CSMD1: variants seen among roughly 807,000 people sequenced by gnomAD.
CSMD1 encodes the protein CUB and sushi domain-containing protein 1.
Under a neutral mutation model 417.5 loss-of-function variants are expected in CSMD1, and 213 were observed. The ratio of observed to expected loss-of-function variants is 0.51; its 90% confidence interval spans 0.46 to 0.57. The LOEUF is 0.57. CSMD1 is among the 20% of genes least tolerant of loss of function. The pLI is 0.00. For synonymous variants in CSMD1, 2,862 were observed against 1,736.8 expected (o/e 1.65, Z -16.11); for missense variants, 6,923 against 4,529.7 (o/e 1.53, Z -15.17).
At chr8:3,450,604 G>T (rs1479436987) in intron 12 of CSMD1, among the ~76,000 whole-genome samples, 2 of 151,646 alleles carry the variant, frequency 1.3e-5, no homozygotes, top group African/African-American at 4.9e-5. Context: ...TGAGAATCAT[G>T]GTTTCCAGCT....
chr8:3,788,294 C>T (rs993333073), intron 5 of CSMD1, among the ~76,000 whole-genome samples: 3 of 152,130 alleles, frequency 2.0e-5, no homozygotes, highest in Admixed American at 6.5e-5. Flanking sequence ...TTTTTCATAG[C>T]ATTTTAGTAA....
chr8:3,548,041 C>A (rs1249740980), intron 10 of CSMD1, among the ~76,000 whole-genome samples: 10 of 152,058 alleles, frequency 6.6e-5, no homozygotes, highest in Admixed American at 6.5e-5. Context: ...GAGGGGTAAC[C>A]ACCCCATGAA....
intron 7 of CSMD1, among the ~76,000 whole-genome samples, chr8:3,642,672 G>C (rs776031186): frequency 5.3e-4 from 81 of 152,182 alleles, no homozygotes; most frequent in Non-Finnish European, 7.6e-4. Context: ...TCACAACTGG[G>C]CTTATAGGAA....
At chr8:4,984,243 G>A (rs1811054947) in intron 1 of CSMD1, among the ~76,000 whole-genome samples, 1 of 152,200 alleles carries the variant, frequency 6.6e-6, no homozygotes, top group Non-Finnish European at 1.5e-5. Context: ...GTTTAAAAAT[G>A]TCTAATGTTC....
At chr8:3,102,118 C>T (rs543756343) in intron 46 of CSMD1, among the ~76,000 whole-genome samples, 24 of 152,264 alleles carry the variant, frequency 1.6e-4, no homozygotes, top group African/African-American at 5.8e-4. Flanking sequence ...GTGGTTATGA[C>T]ATTTGAAGAA....
At chr8:3,455,083 C>G (rs1021172897) in intron 12 of CSMD1, among the ~76,000 whole-genome samples, 2 of 152,196 alleles carry the variant, frequency 1.3e-5, no homozygotes, top group African/African-American at 2.4e-5. Flanking sequence ...CACTGATACC[C>G]TTTCTTTCTA....
intron 1 of CSMD1, among the ~76,000 whole-genome samples, chr8:4,649,563 A>AT (rs968903866): frequency 9.9e-5 from 15 of 152,270 alleles, no homozygotes; most frequent in Admixed American, 8.5e-4. Context: ...ATGATATAGT[A>AT]TTTTTTCTGT....
intron 7 of CSMD1, among the ~76,000 whole-genome samples, chr8:3,678,727 C>T (rs11774485): frequency 6.7e-4 from 102 of 152,166 alleles, no homozygotes; most frequent in Non-Finnish European, 1.3e-3. Flanking sequence ...CTCCAAGACA[C>T]ATAATTGTCA....
intron 3 of CSMD1, among the ~76,000 whole-genome samples, chr8:4,058,047 G>C (rs1359968810): frequency 6.6e-6 from 1 of 151,962 alleles, no homozygotes; most frequent in Non-Finnish European, 1.5e-5. Context: ...GAATTTTAAA[G>C]TAGTTTTTTC....
At chr8:3,480,239 G>A (rs1417957475) in intron 11 of CSMD1, among the ~76,000 whole-genome samples, 2 of 152,246 alleles carry the variant, frequency 1.3e-5, no homozygotes, top group African/African-American at 2.4e-5. Flanking sequence ...GCACACACCT[G>A]TAGTCCCTAC....
Position 4,774,276 on chromosome 8 carries a change from C to T in CSMD1, c.86-136718G>A, listed in dbSNP as rs1231450175. Among the ~76,000 whole-genome samples the T allele has an allele frequency of 2.0e-5, 3 of 152,144 alleles. 1 individual carries two copies. The highest frequency in any genetic ancestry group is 7.2e-5 in the African/African-American group (3 of 41,424). On this transcript the variant is annotated intron_variant, in intron 1 of 69. Transcript: ENST00000635120. The stretch of plus-strand genomic sequence containing the variant: ...TGCGAATGGGGCAATGTTAAATTAA[C>T]AGTGCAGTTTGAATCTTACTTTCCT...
At chr8:3,037,870 T>A (rs1810798152) in intron 50 of CSMD1, among the ~76,000 whole-genome samples, 1 of 152,172 alleles carries the variant, frequency 6.6e-6, no homozygotes. Context: ...AGCTTCTTCT[T>A]CCCCAAGATT....
At chr8:4,166,055 A>T (rs1010134961) in intron 3 of CSMD1, among the ~76,000 whole-genome samples, 8 of 152,214 alleles carry the variant, frequency 5.3e-5, no homozygotes, top group African/African-American at 1.9e-4. Flanking sequence ...TCACACTTTA[A>T]TAAGTGAATT....
chr8:3,558,527 T>TC (rs1268636886), intron 10 of CSMD1, among the ~76,000 whole-genome samples: 1 of 148,958 alleles, frequency 6.7e-6, no homozygotes, highest in African/African-American at 2.5e-5. Context: ...TGTCGACTCC[T>TC]CCAACGATGA....
intron 6 of CSMD1, among the ~76,000 whole-genome samples, chr8:3,738,530 C>G (rs1260058122): frequency 6.6e-6 from 1 of 152,170 alleles, no homozygotes; most frequent in Non-Finnish European, 1.5e-5. Context: ...AATACTGGTC[C>G]TGCCGCCAAA....
At chr8:4,045,856 T>G (rs191937572) in intron 3 of CSMD1, among the ~76,000 whole-genome samples, 2 of 152,164 alleles carry the variant, frequency 1.3e-5, no homozygotes, top group Non-Finnish European at 2.9e-5. Flanking sequence ...ACTCTGGCAC[T>G]GCATTATTTT....
At chr8:3,776,805 G>GATATATATATAT (rs1411200186) in intron 5 of CSMD1, among the ~76,000 whole-genome samples, 1 of 96,674 alleles carries the variant, frequency 1.0e-5, no homozygotes, top group African/African-American at 4.9e-5. Flanking sequence ...ACATATAGAC[G>GATATATATATAT]AGATATATAT....
chr8:3,608,622 G>A lies in CSMD1; in HGVS notation c.1097+8088C>T, dbSNP rs182532570. Among the ~76,000 whole-genome samples the A allele has an allele frequency of 2.6e-3, 401 of 151,964 alleles. 2 individuals carry two copies. Among genetic ancestry groups the A allele is most frequent in the Admixed American group, 8.8e-3 (134 of 15,260 alleles). On this transcript the variant is annotated intron_variant, in intron 8 of 69. Transcript: ENST00000635120. ...ATTAAAAATGCAAAAAAATTAGCCGGGCATGGTAGCACACGCCTGTAATCC... is the reference window on the plus strand; with the variant it reads ...ATTAAAAATGCAAAAAAATTAGCCGAGCATGGTAGCACACGCCTGTAATCC...
At chr8:4,946,710 T>G (rs1289763906) in intron 1 of CSMD1, among the ~76,000 whole-genome samples, 2 of 152,148 alleles carry the variant, frequency 1.3e-5, no homozygotes, top group African/African-American at 4.8e-5. Flanking sequence ...TCCCCAAAGG[T>G]TGAATATGTG....
Sources: allele counts gnomAD v4.1 joint callset (sites outside exome capture counted in the v4.1 genomes callset), GRCh38; gene constraint gnomAD v4.1.1; transcripts MANE v1.5; gene names NCBI Gene and HGNC (gene_info 2026-07-23, HGNC 2026-07-21).